LONP2: variants seen among roughly 807,000 people sequenced by gnomAD.
LONP2 encodes lon protease homolog 2, peroxisomal.
LONP2 carries 60 observed loss-of-function variants against 85.6 expected under a neutral mutation model. The observed-to-expected ratio is 0.70, with a 90% CI of 0.57 to 0.87. LONP2 has a LOEUF of 0.87. Ranked by LOEUF, LONP2 falls within the 40% of genes least tolerant of loss-of-function variation. The probability of loss-of-function intolerance (pLI) is 0.00; values close to 1 mark genes in which losing one functional copy is unlikely to be tolerated. For missense variants in LONP2, 860 were observed against 1,063.5 expected (o/e 0.81, Z 2.66); for synonymous variants, 395 against 389.7 (o/e 1.01, Z -0.16).
chr16:48,306,499 A>T (rs1470232128), intron 11 of LONP2, among the ~76,000 whole-genome samples: 1 of 152,220 alleles, frequency 6.6e-6, no homozygotes, highest in Non-Finnish European at 1.5e-5. Flanking sequence ...AATATAGTTA[A>T]GCAGATTTGC....
At chr16:48,348,526 A>T (rs1271797979) in intron 14 of LONP2, among the ~76,000 whole-genome samples, 2 of 126,258 alleles carry the variant, frequency 1.6e-5, no homozygotes, top group Non-Finnish European at 3.1e-5. Context: ...GACAGGTCTC[A>T]CTCTGTTGCC....
chr16:48,267,004 A>G (rs1469949365), intron 6 of LONP2, among the ~76,000 whole-genome samples: 4 of 152,324 alleles, frequency 2.6e-5, no homozygotes, highest in African/African-American at 9.6e-5. Flanking sequence ...GAACTGTGGT[A>G]GTAAATTTAT....
At chr16:48,347,745 G>T in intron 13 of LONP2, 31 bp downstream of exon 13, 1 of 1,589,466 alleles carries the variant, frequency 6.3e-7, no homozygotes, top group East Asian at 2.3e-5. Context: ...AGGCAGGCGT[G>T]ACCCAGGAGG....
chr16:48,281,495 G>T (rs1209122796), intron 8 of LONP2, among the ~76,000 whole-genome samples: 1 of 152,126 alleles, frequency 6.6e-6, no homozygotes, highest in Non-Finnish European at 1.5e-5. Flanking sequence ...TATAAGGAAA[G>T]TAAGGGCTTG....
intron 4 of LONP2, among the ~76,000 whole-genome samples, chr16:48,259,202 T>C (rs1340141433): frequency 6.6e-6 from 1 of 152,236 alleles, no homozygotes; most frequent in Non-Finnish European, 1.5e-5. Context: ...TTAAGTCCTC[T>C]AACCTTCAGT....
rs74017915 is a variant in LONP2, at chr16:48,324,218, G to A, written c.1796-9998G>A. Among the ~76,000 whole-genome samples, 390 of 152,222 alleles carry A rather than the reference G, an allele frequency of 2.6e-3. 3 individuals are homozygous for A. The highest frequency in any genetic ancestry group is 8.6e-3 in the African/African-American group (356 of 41,530). On this transcript the variant is annotated intron_variant, in intron 11 of 14. Coordinates refer to ENST00000285737, the MANE Select transcript of LONP2 (RefSeq NM_031490.5). ...ATTTTGTGCAATAAGAAAGCCACTC[G>A]AAATCTCAGCATTTCATGTCACTTT... is the stretch of plus-strand genomic sequence containing the variant.
At chr16:48,307,755 G>A (rs1206421591) in intron 11 of LONP2, among the ~76,000 whole-genome samples, 1 of 152,216 alleles carries the variant, frequency 6.6e-6, no homozygotes, top group Non-Finnish European at 1.5e-5. Context: ...ATATGTAAAT[G>A]TTGTGTTATT....
At chr16:48,258,793 AAG>A in intron 4 of LONP2, 53 bp downstream of exon 4, 3 of 1,518,334 alleles carry the variant, frequency 2.0e-6, no homozygotes, top group Non-Finnish European at 2.7e-6. Context: ...AAGGAGAATA[AAG>A]AGAGGAACAA....
intron 8 of LONP2, among the ~76,000 whole-genome samples, chr16:48,282,410 C>CAAA (rs773913986): frequency 2.4e-5 from 2 of 83,820 alleles, no homozygotes; most frequent in Non-Finnish European, 5.2e-5. Context: ...GACTCTGTCT[C>CAAA]AAAAAAAAAA....
intron 11 of LONP2, among the ~76,000 whole-genome samples, chr16:48,310,781 G>A (rs1203728200): frequency 6.7e-6 from 1 of 149,422 alleles, no homozygotes; most frequent in Admixed American, 6.6e-5. Flanking sequence ...AGTTTCATGT[G>A]TTTTTATGAT....
chr16:48,289,634 A>G (rs996210387), intron 8 of LONP2, among the ~76,000 whole-genome samples: 2 of 152,218 alleles, frequency 1.3e-5, no homozygotes, highest in Non-Finnish European at 1.5e-5. Flanking sequence ...GTTAAGGCAG[A>G]TAAGTGAGGA....
At chr16:48,333,690 G>C (rs567193090) in intron 11 of LONP2, among the ~76,000 whole-genome samples, 1 of 150,922 alleles carries the variant, frequency 6.6e-6, no homozygotes, top group East Asian at 2.0e-4. Context: ...GAAAGAGAGA[G>C]AGAGAGAGAA....
chr16:48,347,948 C>A (rs2151033449), intron 13 of LONP2, 152 bp from the exon 14 acceptor site: 1 of 770,928 alleles, frequency 1.3e-6, no homozygotes, highest in Non-Finnish European at 2.1e-6. Flanking sequence ...TGGAACTGTT[C>A]TTCCACACCC....
rs1567354342 is a variant in LONP2 at position 48,348,100 on chromosome 16, C to T, written c.2147C>T (p.Ala716Val). The T allele has an allele frequency of 6.3e-7, 1 of 1,594,216 alleles. No homozygotes were observed. Among genetic ancestry groups the T allele is most frequent in the Admixed American group, 1.9e-5 (1 of 53,398 alleles). Reference protein sequence around the residue: ...SNAKKYQLTNAFGSFDLLDNT... With the variant: ...SNAKKYQLTNVFGSFDLLDNT... ...TAAAGTCCCTTTTTCCTTTTTAAAG[C>T]TTTTGGAAGTTTTGATCTTCTTGAC... Residue 716 changes from alanine (A) to valine (V), a missense_variant and splice_region_variant, in exon 14 of 15, where the codon GCT (alanine) becomes GTT (valine). By Grantham distance (64) the Ala-to-Val change is moderately conservative. Transcript: ENST00000285737.
At chr16:48,303,027 G>C (rs1972838438) in intron 10 of LONP2, 145 bp from the exon 11 acceptor site, 1 of 718,960 alleles carries the variant, frequency 1.4e-6, no homozygotes. Context: ...ATAATGAGGA[G>C]TTTTAAGTGT....
chr16:48,283,546 G>C (rs1423046645), intron 8 of LONP2, among the ~76,000 whole-genome samples: 4 of 152,076 alleles, frequency 2.6e-5, no homozygotes, highest in South Asian at 4.2e-4. Context: ...TCTGTAAATG[G>C]AACAACAAAG....
chr16:48,299,980 G>A (rs1264380737), intron 10 of LONP2, among the ~76,000 whole-genome samples, 192 bp downstream of exon 10: 3 of 152,128 alleles, frequency 2.0e-5, no homozygotes, highest in African/African-American at 7.2e-5. Context: ...CTTCCAGCAA[G>A]TGTTATCATA....
intron 11 of LONP2, among the ~76,000 whole-genome samples, chr16:48,328,010 A>G (rs539709264): frequency 6.6e-6 from 1 of 152,200 alleles, no homozygotes; most frequent in South Asian, 2.1e-4. Flanking sequence ...TTTTCTTGTA[A>G]TTGAAGGGTT....
chr16:48,331,561 A>ATTTTCTTTTTTT (rs2151022663), intron 11 of LONP2, among the ~76,000 whole-genome samples: 1 of 147,504 alleles, frequency 6.8e-6, no homozygotes, highest in African/African-American at 2.5e-5. Flanking sequence ...TCTCCAAAGG[A>ATTTTCTTTTTTT]TTTTCTTTTT....
Sources: allele counts gnomAD v4.1 joint callset (sites outside exome capture counted in the v4.1 genomes callset), GRCh38; gene constraint gnomAD v4.1.1; transcripts MANE v1.5; gene names NCBI Gene and HGNC (gene_info 2026-07-23, HGNC 2026-07-21).